The following ACTR5 variants were observed in gnomAD, a reference collection of about 807,000 sequenced individuals.
ACTR5 encodes actin-related protein 5.
ACTR5 carries 43 observed loss-of-function variants against 61.2 expected under a neutral mutation model. The observed-to-expected ratio is 0.70, with a 90% CI of 0.55 to 0.91. The LOEUF (loss-of-function observed/expected upper bound fraction) is 0.91, where lower values mean the gene tolerates loss of function less well. ACTR5 is among the 40% of genes least tolerant of loss of function. The probability of loss-of-function intolerance (pLI) is 0.00; values close to 1 mark genes in which losing one functional copy is unlikely to be tolerated. For missense variants in ACTR5, 798 were observed against 782.2 expected (o/e 1.02, Z -0.24); for synonymous variants, 333 against 310.5 (o/e 1.07, Z -0.76).
intron 2 of ACTR5, among the ~76,000 whole-genome samples, 157 bp from the exon 3 acceptor site, chr20:38,751,974 A>G (rs1403339464): frequency 6.6e-6 from 1 of 152,210 alleles, no homozygotes; most frequent in Non-Finnish European, 1.5e-5. Flanking sequence ...AGGTTATACC[A>G]GGGGAACTTC....
intron 5 of ACTR5, among the ~76,000 whole-genome samples, chr20:38,765,103 A>G (rs2145675251): frequency 6.6e-6 from 1 of 152,320 alleles, no homozygotes; most frequent in Non-Finnish European, 1.5e-5. Flanking sequence ...TGCAAGCAGC[A>G]AGTCTTCCAC....
rs1359701753 is a variant in ACTR5 at position 38,748,647 on chromosome 20, C to T, written c.169C>T (p.Pro57Ser). 1 of 1,517,024 alleles carries T rather than the reference C, an allele frequency of 6.6e-7. No individual in the cohort carries two copies. Among genetic ancestry groups the T allele is most frequent in the Non-Finnish European group, 8.8e-7 (1 of 1,135,222 alleles). 94.0% of individuals were successfully genotyped at this position (1,517,024 alleles called of 1,614,324 possible). A position where few individuals can be genotyped will look rare whatever the true frequency, so the allele number is the denominator to read the frequency against. ...TCCCGGGCAGGACCCAGGTCCCGAGCCGCGCCTGCAGTTCCGCGCGGTGTG... is the reference window on the plus strand; with the variant it reads ...TCCCGGGCAGGACCCAGGTCCCGAGTCGCGCCTGCAGTTCCGCGCGGTGTG... The part of the protein sequence containing the change: ...ACPGQDPGPE[P>S]RLQFRAVCAR... The change falls in exon 1 of 9, where the codon CCG becomes TCG. Residue 57 changes from proline (P) to serine (S), a missense_variant. By Grantham distance (74) the Pro-to-Ser change is moderately conservative. Coordinates refer to ENST00000243903, the MANE Select transcript of ACTR5 (RefSeq NM_024855.4).
intron 5 of ACTR5, among the ~76,000 whole-genome samples, chr20:38,758,344 A>C (rs2084432568): frequency 6.6e-6 from 1 of 152,098 alleles, no homozygotes; most frequent in Non-Finnish European, 1.5e-5. Context: ...TTCTATATGC[A>C]ACAAATTTGA....
At chr20:38,749,978 A>T in intron 1 of ACTR5, 32 bp from the exon 2 acceptor site, 2 of 1,569,228 alleles carry the variant, frequency 1.3e-6, no homozygotes, top group Non-Finnish European at 8.8e-7. Context: ...TTCTGTTACC[A>T]CTCATTTATT....
chr20:38,767,879 A>T (rs1408618585), intron 8 of ACTR5, among the ~76,000 whole-genome samples: 1 of 152,224 alleles, frequency 6.6e-6, no homozygotes, highest in Non-Finnish European at 1.5e-5. Context: ...GCCCCTGTAG[A>T]CATTGTGGGG....
chr20:38,769,377 A>G (rs1407502785), intron 8 of ACTR5, among the ~76,000 whole-genome samples: 2 of 152,224 alleles, frequency 1.3e-5, no homozygotes, highest in Non-Finnish European at 2.9e-5. Context: ...GAAATACAAA[A>G]GCAGTGGCAG....
chr20:38,761,017 T>C (rs958645217), intron 5 of ACTR5, among the ~76,000 whole-genome samples: 4 of 151,986 alleles, frequency 2.6e-5, no homozygotes, highest in Non-Finnish European at 4.4e-5. Context: ...CTGGGCTCAA[T>C]TGATCCTCCC....
rs774727713 is a variant in ACTR5, at chr20:38,748,746, C to T, written c.268C>T (p.Leu90=). 8.8e-6 allele frequency: 14 copies of T among 1,592,348 alleles called. No individual in the cohort carries two copies. The Admixed American group carries it at 1.9e-4, about 22-fold the overall frequency. Residue 90 remains leucine (L), a synonymous_variant, in exon 1 of 9, where the codon CTG becomes TTG. Transcript: ENST00000243903. ...GAACGCTCTGGGCAGCCTGGAGCCA[C>T]TGCGCTGGATGCTGCGCTCGCCCTT... ...VGNALGSLEP[L]RWMLRSPFDR...
At chr20:38,760,813 T>C (rs961288031) in intron 5 of ACTR5, among the ~76,000 whole-genome samples, 7 of 152,158 alleles carry the variant, frequency 4.6e-5, no homozygotes, top group African/African-American at 1.7e-4. Flanking sequence ...TTTGACCAAG[T>C]TTGGGAAGAT....
At position 38,748,503 on chromosome 20, in the gene ACTR5, C is replaced by T. The variant is rs1224543049; in HGVS notation, c.25C>T (p.Arg9Cys). 11 of 1,494,918 alleles carry T rather than the reference C, an allele frequency of 7.4e-6. No homozygotes were observed. Among genetic ancestry groups the T allele is most frequent in the African/African-American group, 4.4e-5 (3 of 68,530 alleles). The allele number at this position is 1,494,918 out of a possible 1,614,324, so 92.6% of individuals were successfully genotyped here. ...GATGGCGGCGAACGTGTTCCCGTTC[C>T]GCGACGCCCGTGCCGCACCGGACCC... MAANVFPFRDARAAPDPVL... is the reference protein window; with the variant it reads MAANVFPFCDARAAPDPVL... The change falls in exon 1 of 9, where the codon CGC (arginine) becomes TGC (cysteine). Residue 9 changes from arginine (R) to cysteine (C), a missense_variant. Coordinates refer to ENST00000243903, the MANE Select transcript of ACTR5 (RefSeq NM_024855.4).
At chr20:38,760,478 ACAGATGTAGGAT>A (rs1359868028) in intron 5 of ACTR5, among the ~76,000 whole-genome samples, 3 of 152,178 alleles carry the variant, frequency 2.0e-5, no homozygotes, top group Non-Finnish European at 4.4e-5. Flanking sequence ...GGAAAACAAA[ACAGATGTAGGAT>A]CAGATGTAGG....
intron 2 of ACTR5, 123 bp from the exon 3 acceptor site, chr20:38,752,008 T>A (rs749113465): frequency 2.7e-6 from 3 of 1,121,822 alleles, no homozygotes; most frequent in Non-Finnish European, 3.8e-6. Context: ...ACTATCAGGT[T>A]TTGTATTTCT....
chr20:38,752,936 G>GA (rs768035616), intron 3 of ACTR5, among the ~76,000 whole-genome samples: 2 of 151,756 alleles, frequency 1.3e-5, no homozygotes, highest in Non-Finnish European at 2.9e-5. Context: ...TTTTAATTGT[G>GA]AAAACCATAT....
chr20:38,760,296 T>C (rs930867902), intron 5 of ACTR5, among the ~76,000 whole-genome samples: 3 of 152,132 alleles, frequency 2.0e-5, no homozygotes, highest in Admixed American at 6.5e-5. Flanking sequence ...GAAGTGGAGA[T>C]GACTATTAAG....
intron 1 of ACTR5, among the ~76,000 whole-genome samples, chr20:38,749,778 A>G (rs2084375437): frequency 6.6e-6 from 1 of 152,226 alleles, no homozygotes; most frequent in Admixed American, 6.5e-5. Flanking sequence ...AGATAGAGCC[A>G]ACACGATTTG....
chr20:38,756,049 G>C lies in ACTR5; in HGVS notation c.1176+10G>C. 1.2e-6 allele frequency: 2 copies of C among 1,606,470 alleles called. No individual in the cohort carries two copies. The highest frequency in any genetic ancestry group is 2.2e-5 in the South Asian group (2 of 90,142). On this transcript the variant is annotated intron_variant, in intron 5 of 8. Transcript: ENST00000243903. ...AGACAGCAAGCCAGAGGTAACTTAGGGCCTTGGAAGGAGCAGCCCTTCTTG... is the reference window on the plus strand; with the variant it reads ...AGACAGCAAGCCAGAGGTAACTTAGCGCCTTGGAAGGAGCAGCCCTTCTTG...
intron 2 of ACTR5, 25 bp downstream of exon 2, chr20:38,750,264 G>A (rs1405966031): frequency 1.3e-6 from 2 of 1,593,680 alleles, no homozygotes; most frequent in Admixed American, 3.4e-5. Context: ...TGGCATTTGA[G>A]TGCGATTTTG....
At position 38,750,069 on chromosome 20, in the gene ACTR5, G is replaced by A; in HGVS notation, c.435G>A (p.Arg145=). The change falls in exon 2 of 9, where the codon CGG becomes CGA. Residue 145 remains arginine, a synonymous_variant. Coordinates refer to ENST00000243903, the MANE Select transcript of ACTR5 (RefSeq NM_024855.4). ...CTGTGTGCAACCCACTGTATTCACG[G>A]CAAATGATGTCTGAGCTTCTTTTTG... is the stretch of plus-strand genomic sequence containing the variant. The part of the protein sequence containing the change: ...TEAVCNPLYS[R]QMMSELLFEC... 1 of 1,614,166 alleles carries A rather than the reference G, an allele frequency of 6.2e-7. No individual in the cohort carries two copies. Among genetic ancestry groups the A allele is most frequent in the South Asian group, 1.1e-5 (1 of 91,076 alleles).
chr20:38,768,572 G>A lies in ACTR5; in HGVS notation c.1566+976G>A, dbSNP rs79335602. On this transcript the variant is annotated intron_variant, in intron 8 of 8. Coordinates refer to ENST00000243903, the MANE Select transcript of ACTR5 (RefSeq NM_024855.4). ...CCAACCAGGGAAGCTTGTAGGAGAC[G>A]CAGTGTCTAGGGTTTTTATTTGGGG... 1.4e-3 allele frequency among the ~76,000 whole-genome samples: 207 copies of A among 152,268 alleles called. 1 individual carries two copies. In the East Asian group the frequency reaches 0.036, roughly 27 times the overall value.
Sources: gnomAD v4.1 joint callset for allele counts (sites outside exome capture counted in the v4.1 genomes callset) on GRCh38, gnomAD v4.1.1 for gene constraint, MANE v1.5 for transcripts, NCBI Gene and HGNC (gene_info 2026-07-23, HGNC 2026-07-21) for gene names.